The following PEDS1 variants were observed in gnomAD, a reference collection of about 807,000 sequenced individuals.
The protein encoded by PEDS1 is plasmanylethanolamine desaturase 1.
PEDS1 carries 14 observed loss-of-function variants against 35.2 expected under a neutral mutation model. The observed-to-expected ratio is 0.40, with a 90% CI of 0.26 to 0.62. The LOEUF is 0.62. Among genes scored for constraint, PEDS1 ranks in the 20% least tolerant of loss-of-function variants. The pLI is 0.44. For synonymous variants in PEDS1, 152 were observed against 152.0 expected (o/e 1.00, Z 0.00); for missense variants, 260 against 367.8 (o/e 0.71, Z 2.40).
intron 1 of PEDS1, among the ~76,000 whole-genome samples, chr20:50,152,617 A>G (rs2081416626): frequency 6.6e-6 from 1 of 152,124 alleles, no homozygotes. Context: ...AGCTAGGGAG[A>G]AACCGTGGCC....
intron 2 of PEDS1, among the ~76,000 whole-genome samples, chr20:50,142,989 C>T (rs1326935585): frequency 6.6e-6 from 1 of 152,094 alleles, no homozygotes; most frequent in Non-Finnish European, 1.5e-5. Flanking sequence ...GGGGCAGGTA[C>T]ACTGAGGAGC....
At chr20:50,139,805 C>G (rs1241147706) in intron 2 of PEDS1, among the ~76,000 whole-genome samples, 1 of 152,032 alleles carries the variant, frequency 6.6e-6, no homozygotes, top group African/African-American at 2.4e-5. Context: ...CTCAGCCTCC[C>G]CAGTAGCTGG....
chr20:50,124,913 T>G lies in PEDS1; in HGVS notation c.*145A>C. ...TCAGTGGCTCAAGTATTCTGTGTCA[T>G]GAGGGGTGGGCTGGGGTACCTGGGC... is the stretch of plus-strand genomic sequence containing the variant. On this transcript the variant is annotated 3_prime_UTR_variant, in exon 6 of 6. Coordinates refer to ENST00000371652, the MANE Select transcript of PEDS1 (RefSeq NM_199129.4). 58 of 1,007,588 alleles carry G rather than the reference T, an allele frequency of 5.8e-5. No individual in the cohort carries two copies. Among genetic ancestry groups the G allele is most frequent in the Middle Eastern group, 3.4e-4 (1 of 2,928 alleles). The allele number at this position is 1,007,588 out of a possible 1,614,324, so 62.4% of individuals were successfully genotyped here.
intron 1 of PEDS1, among the ~76,000 whole-genome samples, chr20:50,149,667 C>T (rs1263086051): frequency 6.6e-6 from 1 of 152,168 alleles, no homozygotes; most frequent in Non-Finnish European, 1.5e-5. Context: ...CCCTCAGCCC[C>T]ATGCTGCTCT....
intron 5 of PEDS1, 92 bp downstream of exon 5, chr20:50,127,883 G>T: frequency 2.0e-6 from 3 of 1,504,966 alleles, no homozygotes; most frequent in Non-Finnish European, 2.7e-6. Context: ...AGGACTGTGT[G>T]ACCTCCTGCT....
intron 1 of PEDS1, among the ~76,000 whole-genome samples, chr20:50,151,863 CAAATAAAACA>C: frequency 6.6e-6 from 1 of 152,096 alleles, no homozygotes; most frequent in South Asian, 2.1e-4. Flanking sequence ...CATCTCAAAA[CAAATAAAACA>C]AAACAAAACA....
rs905281084 is a variant in PEDS1 at position 50,124,858 on chromosome 20, C to T, written c.*200G>A. ...GCAACTCAGGTGGCTGAGGAGGGGC[C>T]GAGGAAAAAAAAAAAAAAGAAATGA... On this transcript the variant is annotated 3_prime_UTR_variant, in exon 6 of 6. Coordinates refer to ENST00000371652, the MANE Select transcript of PEDS1 (RefSeq NM_199129.4). 6 of 626,334 alleles carry T rather than the reference C, an allele frequency of 9.6e-6. No homozygotes were observed. Among genetic ancestry groups the T allele is most frequent in the South Asian group, 4.2e-5 (2 of 47,954 alleles). The allele number at this position is 626,334 out of a possible 1,614,324, so 38.8% of individuals were successfully genotyped here. A position where few individuals can be genotyped will look rare whatever the true frequency, so the allele number is the denominator to read the frequency against.
chr20:50,135,663 A>G (rs2147283487), intron 2 of PEDS1, among the ~76,000 whole-genome samples: 1 of 150,394 alleles, frequency 6.6e-6, no homozygotes, highest in Middle Eastern at 3.4e-3. Flanking sequence ...CATCTCAAAA[A>G]AAAAAAAAAA....
intron 2 of PEDS1, among the ~76,000 whole-genome samples, chr20:50,137,339 C>G (rs1001142308): frequency 2.6e-5 from 4 of 152,132 alleles, no homozygotes; most frequent in African/African-American, 9.7e-5. Flanking sequence ...CCGCACCCAG[C>G]CGAGGGTAAC....
chr20:50,153,426 T>A, intron 1 of PEDS1, 91 bp downstream of exon 1: 1 of 1,236,074 alleles, frequency 8.1e-7, no homozygotes, highest in Non-Finnish European at 1.0e-6. Flanking sequence ...GAGTTCCGCA[T>A]CTGGGCCCGA....
Position 50,128,387 on chromosome 20 carries a change from G to A in PEDS1, c.479-200C>T, listed in dbSNP as rs1241021532. ...CTTTCCTCCTGCTCAGGAAGCAGGCGTAATGGTGTAATAGGATAATGGCAT... is the reference window on the plus strand; with the variant it reads ...CTTTCCTCCTGCTCAGGAAGCAGGCATAATGGTGTAATAGGATAATGGCAT... On this transcript the variant is annotated intron_variant, in intron 4 of 5. Transcript: ENST00000371652. The surrounding 1 kb of genome is among the most constrained non-coding windows in gnomAD (Gnocchi z 5.2). Among the ~76,000 whole-genome samples, 1 of 152,202 alleles carries A rather than the reference G, an allele frequency of 6.6e-6. No individual in the cohort carries two copies.
rs8121379 is a variant in PEDS1 at position 50,153,684 on chromosome 20, G to A, written c.-47C>T. ...GGTGCGCTCTGCTGGCGGCGGCGGCGGCAGGGCCGCGGAACCGCGGCGAGA... is the reference window on the plus strand; with the variant it reads ...GGTGCGCTCTGCTGGCGGCGGCGGCAGCAGGGCCGCGGAACCGCGGCGAGA... On this transcript the variant is annotated 5_prime_UTR_variant, in exon 1 of 6. Transcript: ENST00000371652. 3 of 1,201,302 alleles carry A rather than the reference G, an allele frequency of 2.5e-6. No individual in the cohort carries two copies. The highest frequency in any genetic ancestry group is 3.4e-5 in the East Asian group (1 of 29,160). The allele number at this position is 1,201,302 out of a possible 1,614,324, so 74.4% of individuals were successfully genotyped here.
At chr20:50,125,282 G>C (rs1386982756) in intron 5 of PEDS1, 103 bp from the exon 6 acceptor site, 2 of 1,471,284 alleles carry the variant, frequency 1.4e-6, no homozygotes, top group Admixed American at 1.8e-5. Context: ...AATGAGGAGT[G>C]AGTCAGTACA....
chr20:50,149,519 C>T (rs1422577391), intron 1 of PEDS1, among the ~76,000 whole-genome samples: 1 of 152,186 alleles, frequency 6.6e-6, no homozygotes, highest in Non-Finnish European at 1.5e-5. Context: ...ATGAGGTGGG[C>T]TGCTGCTGGG....
At chr20:50,135,334 C>T (rs957187822) in intron 2 of PEDS1, among the ~76,000 whole-genome samples, 1 of 151,902 alleles carries the variant, frequency 6.6e-6, no homozygotes, top group Non-Finnish European at 1.5e-5. Flanking sequence ...TGTTTTTGGT[C>T]CTCAGGCCAT....
Position 50,122,147 on chromosome 20 carries a change from C to CA in PEDS1, c.*2910dup, listed in dbSNP as rs2081056604. 6.6e-6 allele frequency: 1 copy of CA among 152,170 alleles called. No individual in the cohort carries two copies. Among genetic ancestry groups the CA allele is most frequent in the African/African-American group, 2.4e-5 (1 of 41,424 alleles). The allele number at this position is 152,170 out of a possible 1,614,324, so 9.4% of individuals were successfully genotyped here. On this transcript the variant is annotated 3_prime_UTR_variant, in exon 6 of 6. Transcript: ENST00000371652. ...TGAGCTGGTCTAGTAAGTCTCAACTCAAAGAGAAAAACAGAGCTTAGAGAG... is the reference window on the plus strand; with the variant it reads ...TGAGCTGGTCTAGTAAGTCTCAACTCAAAAGAGAAAAACAGAGCTTAGAGAG...
In PEDS1 at chr20:50,128,793, T is replaced by C. The variant is rs1246044959; in HGVS notation, c.479-606A>G. Among the ~76,000 whole-genome samples the C allele has an allele frequency of 2.0e-5, 3 of 152,122 alleles. No individual in the cohort carries two copies. The highest frequency in any genetic ancestry group is 7.2e-5 in the African/African-American group (3 of 41,408). On this transcript the variant is annotated intron_variant, in intron 4 of 5. Transcript: ENST00000371652. This position sits in a 1 kb window ranked among gnomAD's most constrained non-coding sequence, Gnocchi z 5.2. The stretch of plus-strand genomic sequence containing the variant: ...CCACTCAGAGGCAAAGGGACTAGCG[T>C]CGGAGGCGTTTCAGTCACTGGCTCC...
intron 2 of PEDS1, among the ~76,000 whole-genome samples, chr20:50,141,467 C>T (rs1331390111): frequency 6.6e-6 from 1 of 152,220 alleles, no homozygotes; most frequent in Admixed American, 6.5e-5. Flanking sequence ...GTTTTCTCAG[C>T]ACTTAGGCAC....
intron 1 of PEDS1, among the ~76,000 whole-genome samples, chr20:50,150,126 T>G (rs1212003826): frequency 1.3e-5 from 2 of 152,190 alleles, no homozygotes; most frequent in Middle Eastern, 3.4e-3. Context: ...GGTTGCAGCC[T>G]CCTCCTCTGT....
Sources: gnomAD v4.1 joint callset for allele counts (sites outside exome capture counted in the v4.1 genomes callset) on GRCh38, gnomAD v4.1.1 for gene constraint, Gnocchi (gnomAD v3.1) non-coding constraint, MANE v1.5 for transcripts, NCBI Gene and HGNC (gene_info 2026-07-23, HGNC 2026-07-21) for gene names.